The following DSCAM variants were observed in gnomAD, a reference collection of about 807,000 sequenced individuals.
DSCAM encodes the protein DS cell adhesion molecule, also known as cell adhesion molecule DSCAM.
A neutral mutation model predicts 217.7 loss-of-function variants in DSCAM; 47 were observed. The ratio of observed to expected loss-of-function variants is 0.22; its 90% CI spans 0.17 to 0.28. The LOEUF is 0.28. Ranked by LOEUF, DSCAM falls within the 10% of genes least tolerant of loss-of-function variation. DSCAM has a pLI of 1.00. For missense variants in DSCAM, 2,080 were observed against 2,618.3 expected, an observed-to-expected ratio of 0.79 and a Z score of 4.49; for synonymous variants, 1,056 against 1,015.3, an observed-to-expected ratio of 1.04 and a Z score of -0.76.
At chr21:40,650,174 A>G (rs1056368773) in intron 3 of DSCAM, among the ~76,000 whole-genome samples, 1 of 152,212 alleles carries the variant, frequency 6.6e-6, no homozygotes, top group Non-Finnish European at 1.5e-5. Flanking sequence ...GCCCAAAACA[A>G]AAACCTCTTC....
chr21:40,757,505 A>G (rs1393795358), intron 1 of DSCAM, among the ~76,000 whole-genome samples: 1 of 152,288 alleles, frequency 6.6e-6, no homozygotes, highest in East Asian at 1.9e-4. Flanking sequence ...TGGCCATGCA[A>G]CTTGCTTTAG....
At chr21:40,422,653 C>A (rs2075436033) in intron 3 of DSCAM, among the ~76,000 whole-genome samples, 1 of 151,862 alleles carries the variant, frequency 6.6e-6, no homozygotes, top group South Asian at 2.1e-4. Flanking sequence ...ATAACAACAA[C>A]AAAAAAGTTG....
intron 3 of DSCAM, among the ~76,000 whole-genome samples, chr21:40,459,133 A>C (rs73361128): frequency 0.023 from 3,481 of 152,298 alleles, 126 homozygotes; most frequent in African/African-American, 0.075. Flanking sequence ...AATCATAAAC[A>C]CAAGAATCAA....
chr21:40,177,180 G>A (rs2090743493), intron 15 of DSCAM, among the ~76,000 whole-genome samples: 1 of 152,178 alleles, frequency 6.6e-6, no homozygotes, highest in Non-Finnish European at 1.5e-5. Flanking sequence ...TTAGTGGGTT[G>A]TTTACATACA....
At chr21:40,771,611 G>A (rs1468221827) in intron 1 of DSCAM, among the ~76,000 whole-genome samples, 2 of 152,122 alleles carry the variant, frequency 1.3e-5, no homozygotes, top group African/African-American at 4.8e-5. Context: ...CATCCCTCTG[G>A]GCATGGCTCA....
At chr21:40,615,505 G>A (rs1643284237) in intron 3 of DSCAM, 1 of 151,822 alleles carries the variant, frequency 6.6e-6, no homozygotes, top group Admixed American at 6.6e-5. Context: ...AAAACGTGGT[G>A]GGTAAGAAAG....
Position 40,703,329 on chromosome 21 carries a change from AAC to A in DSCAM, c.361+5123_361+5124del, listed in dbSNP as rs774307412. Among the ~76,000 whole-genome samples the A allele has an allele frequency of 8.5e-5, 13 of 152,296 alleles. No individual in the cohort carries two copies. The East Asian group carries it at 2.3e-3, about 27-fold the overall frequency. On this transcript the variant is annotated intron_variant, in intron 2 of 32. Coordinates refer to ENST00000400454, the MANE Select transcript of DSCAM (RefSeq NM_001389.5). Reference sequence around the variant, plus strand: ...CCAGGAGTTAGCGACCATCCTGGGCAACATAGCGAGATTCCATCTCTACAAAA... The same window carrying A: ...CCAGGAGTTAGCGACCATCCTGGGCAATAGCGAGATTCCATCTCTACAAAA...
At position 40,324,125 on chromosome 21, in the gene DSCAM, AAAAAAAG is replaced by A. The variant is rs1348185483; in HGVS notation, c.1784-11773_1784-11767del. Among the ~76,000 whole-genome samples, 247 of 142,070 alleles carry A rather than the reference AAAAAAAG, an allele frequency of 1.7e-3. 4 individuals are homozygous for A. Among genetic ancestry groups the A allele is most frequent in the African/African-American group, 6.6e-3 (236 of 35,594 alleles). The allele number at this position is 142,070 out of a possible 152,430, so 93.2% of individuals were successfully genotyped here. On this transcript the variant is annotated intron_variant, in intron 8 of 32. Transcript: ENST00000400454. ...TCTCAAAAAAAAAAAAAAAAAAAAA[AAAAAAAG>A]AAAAAAAAAAGAGAGAGAGAGAAAA...
chr21:40,779,030 C>G (rs986006958), intron 1 of DSCAM, among the ~76,000 whole-genome samples: 3 of 3,722 alleles, frequency 8.1e-4, no homozygotes, highest in African/African-American at 3.1e-3. Flanking sequence ...ATCTCAAAAA[C>G]AGAAAAAAAA....
intron 3 of DSCAM, among the ~76,000 whole-genome samples, chr21:40,574,243 T>A (rs571377778): frequency 3.1e-4 from 47 of 152,246 alleles, no homozygotes; most frequent in African/African-American, 1.1e-3. Context: ...ATATTAGCAA[T>A]TGGATGCTAT....
intron 3 of DSCAM, among the ~76,000 whole-genome samples, chr21:40,436,449 C>A (rs1195228032): frequency 3.3e-5 from 5 of 152,290 alleles, no homozygotes; most frequent in Non-Finnish European, 1.5e-5. Flanking sequence ...AGGAATTCAG[C>A]AGCTCTGGTT....
intron 30 of DSCAM, among the ~76,000 whole-genome samples, chr21:40,050,884 C>T (rs955808276): frequency 6.6e-6 from 1 of 152,056 alleles, no homozygotes; most frequent in Non-Finnish European, 1.5e-5. Flanking sequence ...AGAAGAAAGG[C>T]GGTAAGAAGA....
intron 1 of DSCAM, among the ~76,000 whole-genome samples, chr21:40,807,005 C>T (rs756657860): frequency 2.0e-5 from 3 of 152,136 alleles, no homozygotes; most frequent in Admixed American, 1.3e-4. Flanking sequence ...AAATACCTAA[C>T]GTAGATGATG....
intron 5 of DSCAM, among the ~76,000 whole-genome samples, chr21:40,351,676 G>A (rs2074632634): frequency 6.6e-6 from 1 of 152,180 alleles, no homozygotes; most frequent in Non-Finnish European, 1.5e-5. Flanking sequence ...TCAGAAGGGA[G>A]GCAGAGAATA....
intron 29 of DSCAM, among the ~76,000 whole-genome samples, chr21:40,053,926 C>A (rs188722489): frequency 2.6e-5 from 4 of 152,172 alleles, no homozygotes. Context: ...AATATTGTAA[C>A]GTGTTATATA....
At chr21:40,448,123 T>G (rs1473129942) in intron 3 of DSCAM, among the ~76,000 whole-genome samples, 1 of 152,212 alleles carries the variant, frequency 6.6e-6, no homozygotes, top group Admixed American at 6.5e-5. Flanking sequence ...GTGTGTCAAC[T>G]TGACTGGCTA....
rs537002211 is a variant in DSCAM at position 40,708,357 on chromosome 21, T to C, written c.361+97A>G. ...AATGAACTGATGATGGGGTTTTCAT[T>C]GGTTCTCTGCTGTGATGGCATTTTG... is the stretch of plus-strand genomic sequence containing the variant. On this transcript the variant is annotated intron_variant, in intron 2 of 32. Transcript: ENST00000400454. 1.3e-4 allele frequency: 143 copies of C among 1,064,152 alleles called. No homozygotes were observed. In the African/African-American group the frequency reaches 2.1e-3, roughly 16 times the overall value. The allele number at this position is 1,064,152 out of a possible 1,614,324, so 65.9% of individuals were successfully genotyped here.
At chr21:40,651,849 G>A (rs1024838018) in intron 3 of DSCAM, among the ~76,000 whole-genome samples, 1 of 152,196 alleles carries the variant, frequency 6.6e-6, no homozygotes, top group African/African-American at 2.4e-5. Context: ...ATTAGTCTAA[G>A]TGGGACCCAA....
chr21:40,593,913 T>C (rs191939588), intron 3 of DSCAM, among the ~76,000 whole-genome samples: 1 of 152,338 alleles, frequency 6.6e-6, no homozygotes, highest in Admixed American at 6.5e-5. Context: ...AATCTCATGT[T>C]CCAAAATAGA....
Sources: allele counts gnomAD v4.1 joint callset (sites outside exome capture counted in the v4.1 genomes callset), GRCh38; gene constraint gnomAD v4.1.1; transcripts MANE v1.5; gene names NCBI Gene and HGNC (gene_info 2026-07-23, HGNC 2026-07-21).